Variants in ZCWPW2 observed in about 807,000 individuals in gnomAD.
The protein encoded by ZCWPW2 is zinc finger CW-type and PWWP domain containing 2.
ZCWPW2 carries 45 observed loss-of-function variants against 46.6 expected under a neutral mutation model. The ratio of observed to expected loss-of-function variants is 0.96; its 90% CI spans 0.76 to 1.24. The LOEUF is 1.24. Among genes scored for constraint, ZCWPW2 ranks in the 50% most tolerant of loss-of-function variants. The probability of loss-of-function intolerance (pLI) is 0.00; values close to 1 mark genes in which losing one functional copy is unlikely to be tolerated. For missense variants in ZCWPW2, 429 were observed against 403.9 expected (o/e 1.06, Z -0.53); for synonymous variants, 152 against 137.1 (o/e 1.11, Z -0.76).
intron 4 of ZCWPW2, 38 bp downstream of exon 4, chr3:28,435,307 C>T (rs761562686): frequency 1.5e-5 from 23 of 1,546,302 alleles, no homozygotes; most frequent in South Asian, 2.5e-5. Context: ...TCTTCTTGCA[C>T]TTATTTTTAG....
At chr3:28,435,020 A>G in intron 3 of ZCWPW2, 90 bp from the exon 4 acceptor site, 2 of 1,419,078 alleles carry the variant, frequency 1.4e-6, no homozygotes, top group Non-Finnish European at 1.9e-6. Context: ...ATTAAAATTC[A>G]AAGGAGGAAG....
chr3:28,430,447 A>G (rs890065758), intron 3 of ZCWPW2, among the ~76,000 whole-genome samples: 1 of 152,226 alleles, frequency 6.6e-6, no homozygotes, highest in African/African-American at 2.4e-5. Flanking sequence ...TTGATTTCAC[A>G]GGCTTATAGA....
intron 8 of ZCWPW2, among the ~76,000 whole-genome samples, chr3:28,516,567 T>C (rs1410180777): frequency 6.6e-6 from 1 of 152,192 alleles, no homozygotes; most frequent in Non-Finnish European, 1.5e-5. Context: ...TTATTTGCAA[T>C]GTGGAACTTT....
chr3:28,524,851 G>A lies in ZCWPW2; in HGVS notation c.*163G>A. ...ATTTTGAGAATGGCCATGATTTTTA[G>A]AGCCAGTCAAATGGTATTTAAGTTA... On this transcript the variant is annotated 3_prime_UTR_variant, in exon 10 of 10. Transcript: ENST00000383768. 3.8e-6 allele frequency: 2 copies of A among 529,058 alleles called. No individual in the cohort carries two copies. The highest frequency in any genetic ancestry group is 5.7e-6 in the Non-Finnish European group (2 of 352,022). The allele number at this position is 529,058 out of a possible 1,614,324, so 32.8% of individuals were successfully genotyped here.
At chr3:28,491,185 C>A (rs540967953) in intron 5 of ZCWPW2, among the ~76,000 whole-genome samples, 1 of 152,012 alleles carries the variant, frequency 6.6e-6, no homozygotes, top group African/African-American at 2.4e-5. Flanking sequence ...CTTATACATT[C>A]ATTAGTGGAG....
intron 9 of ZCWPW2, among the ~76,000 whole-genome samples, chr3:28,522,594 A>C (rs941235839): frequency 1.3e-4 from 20 of 152,344 alleles, no homozygotes; most frequent in Middle Eastern, 3.4e-3. Flanking sequence ...AGAAATTAAT[A>C]AAATATACAG....
At chr3:28,521,184 T>C (rs1222067016) in intron 9 of ZCWPW2, 68 bp downstream of exon 9, 1 of 1,489,922 alleles carries the variant, frequency 6.7e-7, no homozygotes, top group East Asian at 2.6e-5. Flanking sequence ...GAATTGTTCC[T>C]AGTTGTACAT....
chr3:28,478,400 G>A, intron 4 of ZCWPW2: 2 of 196,182 alleles, frequency 1.0e-5, no homozygotes, highest in Non-Finnish European at 2.2e-5. Flanking sequence ...GTGAACCACT[G>A]CACCCTGCCA....
At chr3:28,448,829 A>C (rs1444197578) in intron 4 of ZCWPW2, among the ~76,000 whole-genome samples, 4 of 140,328 alleles carry the variant, frequency 2.9e-5, no homozygotes, top group African/African-American at 1.1e-4. Context: ...AAAAAAAAAA[A>C]AAAAAAGGCA....
intron 1 of ZCWPW2, among the ~76,000 whole-genome samples, chr3:28,356,007 A>G (rs1704716653): frequency 6.6e-6 from 1 of 152,240 alleles, no homozygotes; most frequent in South Asian, 2.1e-4. Context: ...ATGGAATCTA[A>G]TTAAACTAAA....
intron 1 of ZCWPW2, among the ~76,000 whole-genome samples, chr3:28,371,057 T>C (rs1287547330): frequency 1.3e-5 from 2 of 152,172 alleles, no homozygotes; most frequent in Non-Finnish European, 2.9e-5. Flanking sequence ...TATAATTAGT[T>C]ACAGAGTTAT....
rs112548909 is a variant in ZCWPW2, at chr3:28,504,929, T to A, written c.658-9135T>A. On this transcript the variant is annotated intron_variant, in intron 6 of 9. Coordinates refer to ENST00000383768, the MANE Select transcript of ZCWPW2 (RefSeq NM_001040432.4). Reference sequence around the variant, plus strand: ...AAATCTGTTCTATTACAAAAAGAAATACCTGGATTTTCATGGTCTATCTCT... The same window carrying A: ...AAATCTGTTCTATTACAAAAAGAAAAACCTGGATTTTCATGGTCTATCTCT... Among the ~76,000 whole-genome samples the A allele has an allele frequency of 7.6e-3, 1,163 of 152,234 alleles. 17 individuals are homozygous for A. The highest frequency in any genetic ancestry group is 0.027 in the African/African-American group (1,102 of 41,552).
At chr3:28,390,889 G>A (rs1695459699) in intron 2 of ZCWPW2, among the ~76,000 whole-genome samples, 1 of 152,140 alleles carries the variant, frequency 6.6e-6, no homozygotes, top group African/African-American at 2.4e-5. Flanking sequence ...TTAGGTGGAA[G>A]AACAGTGAAA....
At chr3:28,357,694 T>A (rs1704790610) in intron 1 of ZCWPW2, among the ~76,000 whole-genome samples, 1 of 151,782 alleles carries the variant, frequency 6.6e-6, no homozygotes, top group African/African-American at 2.4e-5. Flanking sequence ...ATTATACCAC[T>A]GACTCTCCTC....
At chr3:28,351,144 A>C (rs187851008) in intron 1 of ZCWPW2, among the ~76,000 whole-genome samples, 1 of 151,270 alleles carries the variant, frequency 6.6e-6, no homozygotes, top group Admixed American at 6.6e-5. Flanking sequence ...TGCTTTAAAA[A>C]TATATATATA....
At chr3:28,420,560 T>A (rs1696728077) in intron 3 of ZCWPW2, among the ~76,000 whole-genome samples, 1 of 151,906 alleles carries the variant, frequency 6.6e-6, no homozygotes, top group South Asian at 2.1e-4. Context: ...CACTTTTTTT[T>A]AGTTTTTAAT....
At chr3:28,417,428 C>T (rs866366936) in intron 3 of ZCWPW2, among the ~76,000 whole-genome samples, 8 of 152,162 alleles carry the variant, frequency 5.3e-5, no homozygotes, top group Middle Eastern at 3.4e-3. Context: ...CAGAATTCTA[C>T]CAGAGGTACA....
intron 1 of ZCWPW2, among the ~76,000 whole-genome samples, chr3:28,389,221 C>T (rs919150756): frequency 1.3e-5 from 2 of 152,142 alleles, no homozygotes; most frequent in African/African-American, 4.8e-5. Flanking sequence ...ATTGCCACCC[C>T]TTGATTCATG....
chr3:28,516,863 A>G (rs531702415), intron 8 of ZCWPW2, among the ~76,000 whole-genome samples: 252 of 151,252 alleles, frequency 1.7e-3, no homozygotes, highest in African/African-American at 6.0e-3. Flanking sequence ...AAAAAAAAAA[A>G]TAACTGGGCA....
Sources: allele counts gnomAD v4.1 joint callset (sites outside exome capture counted in the v4.1 genomes callset), GRCh38; gene constraint gnomAD v4.1.1; transcripts MANE v1.5; gene names NCBI Gene and HGNC (gene_info 2026-07-23, HGNC 2026-07-21).